The following ATP2A3 variants were observed in gnomAD, a reference collection of about 807,000 sequenced individuals.
ATP2A3 encodes the protein sarcoplasmic/endoplasmic reticulum calcium ATPase 3.
In ATP2A3, 61 loss-of-function variants were observed where a neutral mutation model predicts 106.8. The ratio of observed to expected loss-of-function variants is 0.57; its 90% CI spans 0.46 to 0.71. ATP2A3 has a LOEUF of 0.71. ATP2A3 is among the 30% of genes least tolerant of loss of function. The pLI is 0.00. For synonymous variants in ATP2A3, 611 were observed against 609.3 expected, an observed-to-expected ratio of 1.00 and a Z score of -0.04; for missense variants, 1,201 against 1,423.5, an observed-to-expected ratio of 0.84 and a Z score of 2.52.
intron 14 of ATP2A3, among the ~76,000 whole-genome samples, chr17:3,940,723 G>A (rs973176907): frequency 4.6e-5 from 7 of 152,136 alleles, no homozygotes; most frequent in Admixed American, 6.6e-5. Flanking sequence ...GGCTAGGCTT[G>A]TCTCGAACTC....
chr17:3,941,182 C>A lies in ATP2A3; in HGVS notation c.1889G>T (p.Gly630Val), dbSNP rs747933347. 3.1e-6 allele frequency: 5 copies of A among 1,614,012 alleles called. No homozygotes were observed. Among genetic ancestry groups the A allele is most frequent in the Non-Finnish European group, 4.2e-6 (5 of 1,180,030 alleles). Reference sequence around the variant, plus strand: ...CCTGCGGCAGATGGCCACGGCAGTGCCTTTGTTATCCCCCGTGATCATGAC... The same window carrying A: ...CCTGCGGCAGATGGCCACGGCAGTGACTTTGTTATCCCCCGTGATCATGAC... ...RVVMITGDNK[G>V]TAVAICRRLG... Residue 630 changes from glycine to valine, a missense_variant, in exon 14 of 21, where the codon GGC (glycine) becomes GTC (valine). By Grantham distance (109) the Gly-to-Val change is moderately radical. Coordinates refer to ENST00000397041, the MANE Select transcript of ATP2A3 (RefSeq NM_005173.4).
In ATP2A3 at chr17:3,928,521, C is replaced by T; in HGVS notation, c.2980+142G>A. 1.0e-6 allele frequency: 1 copy of T among 966,126 alleles called. No individual in the cohort carries two copies. The highest frequency in any genetic ancestry group is 1.6e-6 in the Non-Finnish European group (1 of 626,140). The allele number at this position is 966,126 out of a possible 1,614,324, so 59.8% of individuals were successfully genotyped here. ...ACCCAGCCACCAGAGCCCCTTCACA[C>T]CCTCCACTTGGTGATCCGAGAACGC... On this transcript the variant is annotated intron_variant, in intron 20 of 20. Transcript: ENST00000397041. The surrounding 1 kb of genome is among the most constrained non-coding windows in gnomAD (Gnocchi z 6.1).
Position 3,950,697 on chromosome 17 carries a change from C to G in ATP2A3, c.540G>C (p.Leu180=), listed in dbSNP as rs1486263135. 6.8e-6 allele frequency: 11 copies of G among 1,613,884 alleles called. 1 individual carries two copies. Residue 180 remains leucine, a synonymous_variant, in exon 6 of 21, where the codon CTG becomes CTC. Transcript: ENST00000397041. ...STTLRVDQSI[L]TGESVSVTKH... ...GCCTCCTGGGGGGGGCCTCACCCGTCAGGATGGACTGGTCCACTCGCAGCG... is the reference window on the plus strand; with the variant it reads ...GCCTCCTGGGGGGGGCCTCACCCGTGAGGATGGACTGGTCCACTCGCAGCG...
At chr17:3,932,408 T>A (rs1297281320) in intron 17 of ATP2A3, among the ~76,000 whole-genome samples, 1 of 152,070 alleles carries the variant, frequency 6.6e-6, no homozygotes, top group Non-Finnish European at 1.5e-5. Context: ...CCTCCCAAAG[T>A]GCTGGGCTTA....
chr17:3,947,544 G>A lies in ATP2A3; in HGVS notation c.942C>T (p.Val314=), dbSNP rs372935915. The A allele has an allele frequency of 2.5e-6, 4 of 1,613,178 alleles. No homozygotes were observed. The highest frequency in any genetic ancestry group is 3.4e-6 in the Non-Finnish European group (4 of 1,179,952). ...TGCCCAGTGCCAGGCATGTAGTGAT[G>A]ACAGCCGGGAGGCCCTCGGGGATGG... ...VAAIPEGLPA[V]ITTCLALGTR... Residue 314 remains valine (V), a synonymous_variant, in exon 8 of 21, where the codon GTC becomes GTT. Coordinates refer to ENST00000397041, the MANE Select transcript of ATP2A3 (RefSeq NM_005173.4). This position sits in a 1 kb window ranked among gnomAD's most constrained non-coding sequence, Gnocchi z 7.7.
At position 3,929,694 on chromosome 17, in the gene ATP2A3, A is replaced by T. The variant is rs989965476; in HGVS notation, c.2745-249T>A. Among the ~76,000 whole-genome samples, 2 of 152,074 alleles carry T rather than the reference A, an allele frequency of 1.3e-5. No individual in the cohort carries two copies. The highest frequency in any genetic ancestry group is 4.8e-5 in the African/African-American group (2 of 41,386). On this transcript the variant is annotated intron_variant, in intron 18 of 20. Coordinates refer to ENST00000397041, the MANE Select transcript of ATP2A3 (RefSeq NM_005173.4). The surrounding 1 kb of genome is among the most constrained non-coding windows in gnomAD (Gnocchi z 4.3). ...CCAATTCCGGTCCCCATGAACTCTCAGAATCCTCTCTGGGCCCCTTTGACC... is the reference window on the plus strand; with the variant it reads ...CCAATTCCGGTCCCCATGAACTCTCTGAATCCTCTCTGGGCCCCTTTGACC...
chr17:3,954,364 C>A (rs1481286702), intron 1 of ATP2A3, among the ~76,000 whole-genome samples: 1 of 152,004 alleles, frequency 6.6e-6, no homozygotes, highest in South Asian at 2.1e-4. Flanking sequence ...TGCAGTCCCC[C>A]CCAGGCCCTG....
chr17:3,950,702 T>A lies in ATP2A3; in HGVS notation c.535A>T (p.Ile179Phe). The A allele has an allele frequency of 6.2e-7, 1 of 1,613,938 alleles. No homozygotes were observed. The highest frequency in any genetic ancestry group is 8.5e-7 in the Non-Finnish European group (1 of 1,179,990). Residue 179 changes from isoleucine (I) to phenylalanine (F), a missense_variant, in exon 6 of 21, where the codon ATC becomes TTC. By Grantham distance (21) the Ile-to-Phe change is conservative. Transcript: ENST00000397041. ...KSTTLRVDQS[I>F]LTGESVSVTK... ...CTGGGGGGGGCCTCACCCGTCAGGA[T>A]GGACTGGTCCACTCGCAGCGTGGTG...
At chr17:3,957,092 C>G (rs968730657) in intron 1 of ATP2A3, among the ~76,000 whole-genome samples, 2 of 152,258 alleles carry the variant, frequency 1.3e-5, no homozygotes, top group Non-Finnish European at 1.5e-5. Flanking sequence ...ACGCTGGGGA[C>G]CGAGCACGTG....
intron 20 of ATP2A3, chr17:3,927,720 C>T (rs1567673617): frequency 8.1e-6 from 8 of 984,786 alleles, no homozygotes; most frequent in Non-Finnish European, 9.6e-6. Flanking sequence ...CCTGCACCCT[C>T]GAGTGAGCCC....
In ATP2A3 at chr17:3,941,082, G is replaced by C. The variant is rs201705121; in HGVS notation, c.1989C>G (p.Pro663=). 6.8e-6 allele frequency: 11 copies of C among 1,613,698 alleles called. No individual in the cohort carries two copies. The highest frequency in any genetic ancestry group is 4.0e-5 in the African/African-American group (3 of 75,044). ...TGCGGCAGGCCTGGCGCTGCTGCTC[G>C]GGGCTGAGGTCATCAAACTCGCGGC... The part of the protein sequence containing the change: ...YTGREFDDLS[P]EQQRQACRTA... Residue 663 remains proline, a synonymous_variant, in exon 14 of 21, where the codon CCC becomes CCG. Coordinates refer to ENST00000397041, the MANE Select transcript of ATP2A3 (RefSeq NM_005173.4).
chr17:3,928,470 G>A lies in ATP2A3; in HGVS notation c.2980+193C>T. On this transcript the variant is annotated intron_variant, in intron 20 of 20. Coordinates refer to ENST00000397041, the MANE Select transcript of ATP2A3 (RefSeq NM_005173.4). The surrounding 1 kb of genome is among the most constrained non-coding windows in gnomAD (Gnocchi z 6.1). ...GCCCAGTGAGCCCAGGTCCCCTGCA[G>A]TGCAAGACCCTGCGGACACCTTGGG... 1.0e-6 allele frequency: 1 copy of A among 990,658 alleles called. No homozygotes were observed. Among genetic ancestry groups the A allele is most frequent in the Non-Finnish European group, 1.5e-6 (1 of 646,878 alleles). The allele number at this position is 990,658 out of a possible 1,614,324, so 61.4% of individuals were successfully genotyped here.
chr17:3,951,556 C>CCCCCG, intron 4 of ATP2A3, 25 bp downstream of exon 4: 1 of 1,345,708 alleles, frequency 7.4e-7, no homozygotes, highest in Non-Finnish European at 1.0e-6. Flanking sequence ...GCCCCCCGCC[C>CCCCCG]GGTCCCACCC....
rs758748181 is a variant in ATP2A3 at position 3,942,575 on chromosome 17, A to C, written c.1545+31T>G. ...GATGACCAGGTTCCCCAGGGCGCGCAGGGGCCCAGGCCAGCCAGGCAGGCC... is the reference window on the plus strand; with the variant it reads ...GATGACCAGGTTCCCCAGGGCGCGCCGGGGCCCAGGCCAGCCAGGCAGGCC... On this transcript the variant is annotated intron_variant, in intron 12 of 20. Coordinates refer to ENST00000397041, the MANE Select transcript of ATP2A3 (RefSeq NM_005173.4). 4.4e-6 allele frequency: 7 copies of C among 1,604,120 alleles called. No individual in the cohort carries two copies. In the Middle Eastern group the frequency reaches 6.7e-4, roughly 153 times the overall value.
intron 7 of ATP2A3, among the ~76,000 whole-genome samples, chr17:3,949,977 C>T (rs556855135): frequency 4.6e-5 from 7 of 151,436 alleles, no homozygotes; most frequent in African/African-American, 7.3e-5. Context: ...GCCTGGTGAA[C>T]GTGGTGAAAC....
At chr17:3,935,315 G>A (rs199789407) in intron 16 of ATP2A3, 38 bp from the exon 17 acceptor site, 116 of 1,588,036 alleles carry the variant, frequency 7.3e-5, no homozygotes, top group East Asian at 4.0e-4. Context: ...AGAGAATGGC[G>A]GTGGTTTTCT....
chr17:3,940,602 G>C (rs968175620), intron 14 of ATP2A3, among the ~76,000 whole-genome samples: 1 of 152,128 alleles, frequency 6.6e-6, no homozygotes, highest in African/African-American at 2.4e-5. Flanking sequence ...CTGCCTCCCG[G>C]ATTCAAGTGA....
chr17:3,947,366 C>G lies in ATP2A3; in HGVS notation c.1095+25G>C, dbSNP rs762726707. On this transcript the variant is annotated intron_variant, in intron 8 of 20. Transcript: ENST00000397041. This position sits in a 1 kb window ranked among gnomAD's most constrained non-coding sequence, Gnocchi z 7.7. ...GCCCAGCCTGCTCTGCAACGCACAG[C>G]AACACCAAGCTGGCCGTCACTCACC... 3 of 1,613,230 alleles carry G rather than the reference C, an allele frequency of 1.9e-6. No individual in the cohort carries two copies. Among genetic ancestry groups the G allele is most frequent in the Non-Finnish European group, 2.5e-6 (3 of 1,179,922 alleles).
intron 17 of ATP2A3, 63 bp downstream of exon 17, chr17:3,935,129 C>A (rs1275171666): frequency 1.3e-6 from 2 of 1,553,344 alleles, no homozygotes; most frequent in East Asian, 2.2e-5. Flanking sequence ...AGACCCATCT[C>A]CCCTGGAACT....
Sources: allele counts gnomAD v4.1 joint callset (sites outside exome capture counted in the v4.1 genomes callset), GRCh38; gene constraint gnomAD v4.1.1; non-coding constraint Gnocchi (gnomAD v3.1); transcripts MANE v1.5; gene names NCBI Gene and HGNC (gene_info 2026-07-23, HGNC 2026-07-21).